TMEM67: variants seen among roughly 807,000 people sequenced by gnomAD.
TMEM67 encodes the protein transmembrane protein 67.
TMEM67 carries 124 observed loss-of-function variants against 136.6 expected under a neutral mutation model. The observed-to-expected ratio is 0.91, with a 90% CI of 0.78 to 1.05. TMEM67 has a LOEUF of 1.05. TMEM67 is among the 50% of genes least tolerant of loss of function. The pLI, the probability that TMEM67 is intolerant of heterozygous loss-of-function variation, is 0.00. For missense variants in TMEM67, 1,107 were observed against 1,178.4 expected, an observed-to-expected ratio of 0.94 and a Z score of 0.89; for synonymous variants, 364 against 390.5, an observed-to-expected ratio of 0.93 and a Z score of 0.80.
intron 11 of TMEM67, among the ~76,000 whole-genome samples, chr8:93,783,693 A>G (rs1586047049): frequency 6.6e-6 from 1 of 152,230 alleles, no homozygotes; most frequent in East Asian, 1.9e-4. Context: ...ACAGTTCACT[A>G]TGGCTGAGGA....
chr8:93,760,149 G>T (rs11994625), intron 3 of TMEM67, among the ~76,000 whole-genome samples: 1 of 151,950 alleles, frequency 6.6e-6, no homozygotes, highest in Non-Finnish European at 1.5e-5. Flanking sequence ...TTATTTGTTT[G>T]TTTTGGGGTA....
chr8:93,760,043 T>G (rs546193196), intron 3 of TMEM67: 1 of 1,358,498 alleles, frequency 7.4e-7, no homozygotes, highest in Non-Finnish European at 9.8e-7. Context: ...GAAAATGCAT[T>G]CTTTATTTTT....
Position 93,780,627 on chromosome 8 carries a change from G to T in TMEM67, c.749G>T (p.Gly250Val). The change falls in exon 8 of 28, where the codon GGA (glycine) becomes GTA (valine). Residue 250 changes from glycine (G) to valine (V), a missense_variant. By Grantham distance (109) the Gly-to-Val change is moderately radical. Around this residue, in one of 3 missense-constraint regions of TMEM67, gnomAD observed 925 missense variants for 1,002.4 expected, o/e 0.92. Coordinates refer to ENST00000453321, the MANE Select transcript of TMEM67 (RefSeq NM_153704.6). ...YANLTSCQAL[G>V]NMCVMNMNSY... is the part of the protein sequence containing the mutation. ...AATCTAACATCTTGTCAAGCTCTTGGAAATATGTGTGTGATGAACATGAAT... is the reference window on the plus strand; with the variant it reads ...AATCTAACATCTTGTCAAGCTCTTGTAAATATGTGTGTGATGAACATGAAT... 6.2e-7 allele frequency: 1 copy of T among 1,614,090 alleles called. No homozygotes were observed. Among genetic ancestry groups the T allele is most frequent in the Non-Finnish European group, 8.5e-7 (1 of 1,180,024 alleles).
At chr8:93,831,672 TTGTGTGTGTGTGCA>T in the TMEM67 span, among the ~76,000 whole-genome samples, 8 of 151,190 alleles carry the variant, frequency 5.3e-5, no homozygotes, top group African/African-American at 1.7e-4. Context: ...ATGCATGTGC[TTGTGTGTGTGTGCA>T]TGTGTGTGTG....
intron 3 of TMEM67, chr8:93,760,024 CT>C: frequency 7.0e-7 from 1 of 1,425,656 alleles, no homozygotes; most frequent in Non-Finnish European, 9.3e-7. Flanking sequence ...TGAAGGCAGG[CT>C]TTTAAGTGAA....
chr8:93,832,273 G>C, the TMEM67 span, among the ~76,000 whole-genome samples: 1 of 152,158 alleles, frequency 6.6e-6, no homozygotes, highest in South Asian at 2.1e-4. Flanking sequence ...GAAGCACACT[G>C]TTTTTACTTA....
rs911311686 is a variant in TMEM67 at position 93,815,281 on chromosome 8, A to G, written c.2765-24A>G. The G allele has an allele frequency of 4.8e-6, 7 of 1,458,604 alleles. No homozygotes were observed. In the Admixed American group the frequency reaches 8.7e-5, roughly 18 times the overall value. The allele number at this position is 1,458,604 out of a possible 1,614,324, so 90.4% of individuals were successfully genotyped here. On this transcript the variant is annotated intron_variant, in intron 26 of 27. Coordinates refer to ENST00000453321, the MANE Select transcript of TMEM67 (RefSeq NM_153704.6). ...TGTTCCTTTTTTAAATTTCTAATTT[A>G]TATTTTCTAAATTTTTTTAATAGAT...
chr8:93,822,407 C>T (rs969463537), downstream of TMEM67, among the ~76,000 whole-genome samples: 1 of 152,148 alleles, frequency 6.6e-6, no homozygotes, highest in Non-Finnish European at 1.5e-5. Flanking sequence ...AGGGGATTCG[C>T]GTTAATCTGT....
chr8:93,766,347 T>C (rs1245696738), intron 6 of TMEM67, among the ~76,000 whole-genome samples: 1 of 152,138 alleles, frequency 6.6e-6, no homozygotes, highest in African/African-American at 2.4e-5. Context: ...CTTGAACTCC[T>C]GACCTTGTGA....
At position 93,816,546 on chromosome 8, in the gene TMEM67, A is replaced by T. The variant is rs541946716; in HGVS notation, c.*94A>T. 11 of 668,048 alleles carry T rather than the reference A, an allele frequency of 1.6e-5. No individual in the cohort carries two copies. Among genetic ancestry groups the T allele is most frequent in the African/African-American group, 1.6e-4 (9 of 55,518 alleles). 41.4% of individuals were successfully genotyped at this position (668,048 alleles called of 1,614,324 possible). A position where few individuals can be genotyped will look rare whatever the true frequency, so the allele number is the denominator to read the frequency against. On this transcript the variant is annotated 3_prime_UTR_variant, in exon 28 of 28. Coordinates refer to ENST00000453321, the MANE Select transcript of TMEM67 (RefSeq NM_153704.6). ...TTTGCCATATTTTTTAAAACTTATA[A>T]TGCAGACTATTCTGTTTTTGTTTTT...
the TMEM67 span, among the ~76,000 whole-genome samples, chr8:93,829,361 GCTCT>G: frequency 1.6e-3 from 237 of 148,490 alleles, 1 homozygote; most frequent in African/African-American, 3.8e-3. Flanking sequence ...CTTTATGAGT[GCTCT>G]CTCTCTCTCT....
At chr8:93,824,514 G>A in the TMEM67 span, among the ~76,000 whole-genome samples, 8 of 151,992 alleles carry the variant, frequency 5.3e-5, no homozygotes, top group South Asian at 6.2e-4. Flanking sequence ...TGCTCTCCTC[G>A]GTTATAAAGC....
At chr8:93,755,754 T>TTC (rs770093516) in intron 1 of TMEM67, 24 bp from the exon 2 acceptor site, 37 of 1,029,288 alleles carry the variant, frequency 3.6e-5, no homozygotes, top group Admixed American at 1.1e-4. Flanking sequence ...AAATTGGCTT[T>TTC]TTTTTTTTTT....
intron 9 of TMEM67, 62 bp downstream of exon 9, chr8:93,781,044 T>C (rs1481713996): frequency 5.2e-6 from 6 of 1,151,304 alleles, no homozygotes; most frequent in Non-Finnish European, 7.8e-6. Context: ...TAAAAGGTAA[T>C]AAAGTTACAA....
chr8:93,808,195 AAT>A (rs981017219), intron 23 of TMEM67, among the ~76,000 whole-genome samples: 2 of 148,018 alleles, frequency 1.4e-5, no homozygotes, highest in African/African-American at 4.9e-5. Flanking sequence ...GTTCTACTTA[AAT>A]ATATATATAT....
intron 13 of TMEM67, among the ~76,000 whole-genome samples, chr8:93,787,558 A>T (rs111329100): frequency 9.9e-4 from 151 of 152,354 alleles, no homozygotes; most frequent in African/African-American, 3.1e-3. Flanking sequence ...TAAACTTCAC[A>T]GGACTTGGAT....
intron 14 of TMEM67, among the ~76,000 whole-genome samples, chr8:93,788,949 A>G (rs1814245269): frequency 6.6e-6 from 1 of 152,200 alleles, no homozygotes; most frequent in Non-Finnish European, 1.5e-5. Context: ...CAGATAAAGC[A>G]TCCCTGCTTT....
intron 11 of TMEM67, 107 bp from the exon 12 acceptor site, chr8:93,785,115 A>G: frequency 1.3e-6 from 1 of 787,134 alleles, no homozygotes; most frequent in South Asian, 1.5e-5. Flanking sequence ...TCTGAAGATA[A>G]TAAATATGCT....
Position 93,797,443 on chromosome 8 carries a change from A to G in TMEM67, c.2073A>G (p.Gln691=). 1 of 1,614,000 alleles carries G rather than the reference A, an allele frequency of 6.2e-7. No individual in the cohort carries two copies. The highest frequency in any genetic ancestry group is 8.5e-7 in the Non-Finnish European group (1 of 1,179,906). Reference sequence around the variant, plus strand: ...TGAGAAAAATTAATTCACTCTTTCAAGTACTTACTGTCCTCTTCTTTTTGG... The same window carrying G: ...TGAGAAAAATTAATTCACTCTTTCAGGTACTTACTGTCCTCTTCTTTTTGG... ...QTVRKINSLF[Q]VLTVLFFLEV... is the part of the protein sequence containing the mutation. Residue 691 remains glutamine (Q), a synonymous_variant, in exon 20 of 28, where the codon CAA becomes CAG. Coordinates refer to ENST00000453321, the MANE Select transcript of TMEM67 (RefSeq NM_153704.6).
Sources: allele counts gnomAD v4.1 joint callset (sites outside exome capture counted in the v4.1 genomes callset), GRCh38; gene constraint gnomAD v4.1.1; regional missense constraint gnomAD v4.1.1; transcripts MANE v1.5; gene names NCBI Gene and HGNC (gene_info 2026-07-23, HGNC 2026-07-21).